The following ARHGAP15 variants were observed in gnomAD, a reference collection of about 807,000 sequenced individuals.
ARHGAP15 encodes Rho GTPase activating protein 15, also known as rho GTPase-activating protein 15.
Under a neutral mutation model 63.7 loss-of-function variants are expected in ARHGAP15, and 51 were observed. That is an observed-to-expected ratio of 0.80 (90% CI 0.64 to 1.01). The LOEUF is 1.01. ARHGAP15 is among the 50% of genes least tolerant of loss of function. The pLI is 0.00. For synonymous variants in ARHGAP15, 191 were observed against 193.8 expected (o/e 0.99, Z 0.12); for missense variants, 560 against 564.6 (o/e 0.99, Z 0.08).
chr2:143,683,321 C>T (rs894709294), intron 12 of ARHGAP15, among the ~76,000 whole-genome samples: 1 of 151,900 alleles, frequency 6.6e-6, no homozygotes, highest in Non-Finnish European at 1.5e-5. Context: ...TGTTGTATAA[C>T]ATGGCCTATT....
intron 5 of ARHGAP15, chr2:143,236,750 A>T (rs1693668580): frequency 6.6e-6 from 1 of 152,230 alleles, no homozygotes; most frequent in Admixed American, 6.5e-5. Flanking sequence ...AGAGTAATTA[A>T]TAGTGAACTA....
At chr2:143,307,870 A>C (rs1020443685) in intron 6 of ARHGAP15, among the ~76,000 whole-genome samples, 1 of 152,170 alleles carries the variant, frequency 6.6e-6, no homozygotes, top group South Asian at 2.1e-4. Context: ...AGTTCCATTT[A>C]AATGAGGCAT....
At chr2:143,364,667 T>G (rs530398018) in intron 6 of ARHGAP15, among the ~76,000 whole-genome samples, 1 of 152,152 alleles carries the variant, frequency 6.6e-6, no homozygotes, top group Non-Finnish European at 1.5e-5. Context: ...AATTTTACCA[T>G]GTTGCAGATA....
intron 6 of ARHGAP15, among the ~76,000 whole-genome samples, chr2:143,344,828 A>G (rs1685201098): frequency 6.6e-6 from 1 of 152,150 alleles, no homozygotes; most frequent in African/African-American, 2.4e-5. Flanking sequence ...AAGGCAATAA[A>G]CAAATAAACA....
chr2:143,584,211 T>C lies in ARHGAP15; in HGVS notation c.1003+27726T>C, dbSNP rs571355492. 2.0e-5 allele frequency among the ~76,000 whole-genome samples: 3 copies of C among 152,336 alleles called. 1 individual carries two copies. The highest frequency in any genetic ancestry group is 4.8e-5 in the African/African-American group (2 of 41,576). On this transcript the variant is annotated intron_variant, in intron 11 of 13. Coordinates refer to ENST00000295095, the MANE Select transcript of ARHGAP15 (RefSeq NM_018460.4). ...AATCAGCAGTAAAGACCAATCTTCT[T>C]TGATATCAAGGTATCTAGACATTCA...
chr2:143,414,789 C>A (rs188301223), intron 6 of ARHGAP15, among the ~76,000 whole-genome samples: 1 of 152,052 alleles, frequency 6.6e-6, no homozygotes, highest in South Asian at 2.1e-4. Flanking sequence ...AAAAGTTAGC[C>A]GGGCGTGGTG....
chr2:143,432,381 CAA>C (rs2105081191), intron 6 of ARHGAP15, among the ~76,000 whole-genome samples: 1 of 152,010 alleles, frequency 6.6e-6, no homozygotes, highest in African/African-American at 2.4e-5. Flanking sequence ...ATACTTAAAT[CAA>C]CATAAACACT....
intron 12 of ARHGAP15, among the ~76,000 whole-genome samples, chr2:143,669,985 T>C (rs1265730715): frequency 6.6e-6 from 1 of 152,138 alleles, no homozygotes; most frequent in East Asian, 1.9e-4. Context: ...TCAAGCTGTG[T>C]GTGCAAGGCA....
intron 10 of ARHGAP15, among the ~76,000 whole-genome samples, chr2:143,525,170 G>T (rs1694212285): frequency 6.6e-6 from 1 of 152,058 alleles, no homozygotes; most frequent in African/African-American, 2.4e-5. Flanking sequence ...GTTGGATCCA[G>T]GCACGCACTA....
At chr2:143,369,283 C>CT (rs940724449) in intron 6 of ARHGAP15, among the ~76,000 whole-genome samples, 10 of 151,988 alleles carry the variant, frequency 6.6e-5, no homozygotes, top group African/African-American at 2.2e-4. Context: ...TATTTTATCT[C>CT]TTTTTTATCT....
rs537488412 is a variant in ARHGAP15, at chr2:143,345,643, C to G, written c.475-89958C>G. ...CACATTGCCTAAATTCAGTTTCTTT[C>G]ATTTTTTTGCAGGCTTTGGGTACAG... On this transcript the variant is annotated intron_variant, in intron 6 of 13. Coordinates refer to ENST00000295095, the MANE Select transcript of ARHGAP15 (RefSeq NM_018460.4). 2.0e-5 allele frequency among the ~76,000 whole-genome samples: 3 copies of G among 152,100 alleles called. No homozygotes were observed. In the South Asian group the frequency reaches 6.2e-4, roughly 32 times the overall value.
intron 1 of ARHGAP15, among the ~76,000 whole-genome samples, chr2:143,154,460 T>C (rs1690001978): frequency 6.6e-6 from 1 of 151,934 alleles, no homozygotes; most frequent in African/African-American, 2.4e-5. Context: ...TTTTGGATTA[T>C]ATTCGCTCCC....
chr2:143,507,053 A>C (rs1693356085), intron 9 of ARHGAP15, among the ~76,000 whole-genome samples: 1 of 152,178 alleles, frequency 6.6e-6, no homozygotes, highest in Admixed American at 6.5e-5. Context: ...ATATAAATAC[A>C]AGTAGAAGAA....
intron 3 of ARHGAP15, among the ~76,000 whole-genome samples, chr2:143,206,998 G>GT (rs1339241437): frequency 6.6e-6 from 1 of 151,152 alleles, no homozygotes; most frequent in Non-Finnish European, 1.5e-5. Context: ...GTGCCCCAAA[G>GT]TTTTTTACAT....
At chr2:143,144,719 C>A (rs1431718417) in intron 1 of ARHGAP15, among the ~76,000 whole-genome samples, 1 of 151,968 alleles carries the variant, frequency 6.6e-6, no homozygotes, top group African/African-American at 2.4e-5. Flanking sequence ...TTATCTCTCA[C>A]TATTTTCAAC....
intron 13 of ARHGAP15, among the ~76,000 whole-genome samples, chr2:143,757,765 T>G (rs1230081975): frequency 3.9e-5 from 6 of 152,096 alleles, no homozygotes; most frequent in Admixed American, 3.9e-4. Flanking sequence ...GATATGCTTT[T>G]AAAATCTAAA....
chr2:143,435,556 GT>G (rs1445862135), intron 6 of ARHGAP15, 44 bp from the exon 7 acceptor site: 27 of 1,495,774 alleles, frequency 1.8e-5, no homozygotes, highest in Non-Finnish European at 2.4e-5. Context: ...ATCTTACATA[GT>G]TTCTTTACCT....
intron 11 of ARHGAP15, among the ~76,000 whole-genome samples, chr2:143,563,128 T>A (rs1185778691): frequency 6.6e-6 from 1 of 152,198 alleles, no homozygotes. Context: ...GGAAGCCTAA[T>A]AGAAATTATT....
chr2:143,157,583 T>C (rs1690130814), intron 2 of ARHGAP15, among the ~76,000 whole-genome samples: 1 of 151,820 alleles, frequency 6.6e-6, no homozygotes, highest in African/African-American at 2.4e-5. Flanking sequence ...TTTGGTTATG[T>C]GTGCTCAGTG....
Sources: allele counts gnomAD v4.1 joint callset (sites outside exome capture counted in the v4.1 genomes callset), GRCh38; gene constraint gnomAD v4.1.1; transcripts MANE v1.5; gene names NCBI Gene and HGNC (gene_info 2026-07-23, HGNC 2026-07-21).